Variants in UBE2D2 observed in about 807,000 individuals in gnomAD.
UBE2D2 encodes the protein ubiquitin conjugating enzyme E2 D2.
In UBE2D2, 2 loss-of-function variants were observed where a neutral mutation model predicts 24.2. The observed-to-expected ratio is 0.08, with a 90% CI of 0.03 to 0.26. The LOEUF is 0.26. Ranked by LOEUF, UBE2D2 falls within the 10% of genes least tolerant of loss-of-function variation. The probability of loss-of-function intolerance (pLI) is 1.00; values close to 1 mark genes in which losing one functional copy is unlikely to be tolerated. For missense variants in UBE2D2, 44 were observed against 177.6 expected (o/e 0.25, Z 4.28); for synonymous variants, 58 against 56.5 (o/e 1.03, Z -0.12).
chr5:139,605,205 G>C (rs1482841663), intron 2 of UBE2D2, among the ~76,000 whole-genome samples: 1 of 152,106 alleles, frequency 6.6e-6, no homozygotes, highest in East Asian at 1.9e-4. Context: ...AGAGATCTGT[G>C]CTTTATTTTA....
At chr5:139,543,661 T>TA (rs1437256183) in intron 1 of UBE2D2, among the ~76,000 whole-genome samples, 1 of 152,230 alleles carries the variant, frequency 6.6e-6, no homozygotes, top group African/African-American at 2.4e-5. Context: ...CCTTTAGGCA[T>TA]TTAAAAAGTG....
chr5:139,572,565 C>T (rs1753372412), intron 1 of UBE2D2, among the ~76,000 whole-genome samples: 1 of 151,724 alleles, frequency 6.6e-6, no homozygotes, highest in Admixed American at 6.6e-5. Context: ...CAGTGCACTC[C>T]AGCTTGGGCC....
At chr5:139,578,250 CT>C (rs1271570140) in intron 1 of UBE2D2, among the ~76,000 whole-genome samples, 5 of 152,134 alleles carry the variant, frequency 3.3e-5, no homozygotes, top group Non-Finnish European at 7.4e-5. Context: ...CAAGGAACAG[CT>C]GTTTGTCTGA....
chr5:139,562,491 C>A, intron 1 of UBE2D2: 1 of 1,235,386 alleles, frequency 8.1e-7, no homozygotes, highest in Non-Finnish European at 1.0e-6. Flanking sequence ...ACTAACACTT[C>A]CGTTTTGCAG....
intron 1 of UBE2D2, among the ~76,000 whole-genome samples, chr5:139,549,080 C>T (rs1752871668): frequency 6.6e-6 from 1 of 152,128 alleles, no homozygotes; most frequent in African/African-American, 2.4e-5. Flanking sequence ...GAACTCCTGA[C>T]ATCATGATCT....
chr5:139,576,241 C>T (rs1405015107), intron 1 of UBE2D2, among the ~76,000 whole-genome samples: 1 of 152,162 alleles, frequency 6.6e-6, no homozygotes, highest in Non-Finnish European at 1.5e-5. Flanking sequence ...TCTCACAGTT[C>T]TGGAGGCCAG....
At position 139,626,857 on chromosome 5, in the gene UBE2D2, A is replaced by G. The variant is rs763748835; in HGVS notation, c.*56A>G. 13 of 1,508,136 alleles carry G rather than the reference A, an allele frequency of 8.6e-6. No individual in the cohort carries two copies. The highest frequency in any genetic ancestry group is 1.1e-5 in the Non-Finnish European group (12 of 1,091,958). The allele number at this position is 1,508,136 out of a possible 1,614,324, so 93.4% of individuals were successfully genotyped here. ...TAAAGATAGGGGAACTCTGAAAGAG[A>G]AAGTCCTTTTGATTTCCATTTGACT... On this transcript the variant is annotated 3_prime_UTR_variant, in exon 7 of 7. Coordinates refer to ENST00000398733, the MANE Select transcript of UBE2D2 (RefSeq NM_003339.3).
chr5:139,531,667 G>T (rs1339851243), intron 1 of UBE2D2, among the ~76,000 whole-genome samples: 2 of 149,936 alleles, frequency 1.3e-5, no homozygotes, highest in Non-Finnish European at 3.0e-5. Context: ...GAAAAGAAAA[G>T]AAAATAATGC....
chr5:139,591,894 C>A (rs1466532039), intron 1 of UBE2D2, among the ~76,000 whole-genome samples: 2 of 152,086 alleles, frequency 1.3e-5, no homozygotes, highest in African/African-American at 4.8e-5. Flanking sequence ...GACTGCTCCC[C>A]TTCAATCTGT....
intron 1 of UBE2D2, among the ~76,000 whole-genome samples, chr5:139,547,061 C>T (rs1291974349): frequency 4.0e-5 from 6 of 151,580 alleles, no homozygotes; most frequent in African/African-American, 1.5e-4. Context: ...GAGGCTGATA[C>T]GGGCGGATCA....
At chr5:139,527,061 T>TA (rs1007568097) in intron 1 of UBE2D2, among the ~76,000 whole-genome samples, 18 of 151,762 alleles carry the variant, frequency 1.2e-4, no homozygotes, top group East Asian at 1.9e-4. Context: ...GGAACTATGT[T>TA]AAAAAAAAAT....
rs112406759 is a variant in UBE2D2 at position 139,609,277 on chromosome 5, C to T, written c.89-5309C>T. 3.7e-4 allele frequency among the ~76,000 whole-genome samples: 56 copies of T among 151,196 alleles called. 2 individuals carry two copies. The Middle Eastern group carries it at 0.01, about 28-fold the overall frequency. ...TTATATTTTGTCTGGGTGTGGTGAC[C>T]CACACCTATAATCCCAGCACTTTGG... is the stretch of plus-strand genomic sequence containing the variant. On this transcript the variant is annotated intron_variant, in intron 2 of 6. Transcript: ENST00000398733.
upstream of UBE2D2, among the ~76,000 whole-genome samples, chr5:139,560,292 G>A (rs924977258): frequency 1.3e-5 from 2 of 151,622 alleles, no homozygotes; most frequent in South Asian, 2.1e-4. Context: ...CCGCCTCCCG[G>A]ATTCAAGCGA....
At chr5:139,570,704 G>T (rs913687705) in intron 1 of UBE2D2, among the ~76,000 whole-genome samples, 1 of 151,922 alleles carries the variant, frequency 6.6e-6, no homozygotes, top group African/African-American at 2.4e-5. Context: ...GTAGAGATGG[G>T]GTCTCACTAT....
chr5:139,562,815 C>T (rs1421163036), intron 1 of UBE2D2, among the ~76,000 whole-genome samples: 1 of 152,070 alleles, frequency 6.6e-6, no homozygotes, highest in African/African-American at 2.4e-5. Context: ...ATGTTGTAAC[C>T]TCTTAGTGCC....
At chr5:139,554,751 G>A (rs1211414162) in intron 1 of UBE2D2, 1 of 151,126 alleles carries the variant, frequency 6.6e-6, no homozygotes, top group Non-Finnish European at 1.5e-5. Context: ...TCACCAAACA[G>A]TTCTCCTAAC....
chr5:139,550,530 T>C (rs1752897714), intron 1 of UBE2D2, among the ~76,000 whole-genome samples: 2 of 152,146 alleles, frequency 1.3e-5, no homozygotes, highest in Non-Finnish European at 2.9e-5. Context: ...CTGCCTGCGC[T>C]AGTAGTGGCA....
chr5:139,556,722 T>C (rs1207228648), upstream of UBE2D2, among the ~76,000 whole-genome samples: 3 of 152,190 alleles, frequency 2.0e-5, no homozygotes, highest in Middle Eastern at 3.4e-3. Context: ...TAAAAGGATA[T>C]TATGAGTAAC....
At chr5:139,545,266 C>T (rs1358146185) in intron 1 of UBE2D2, among the ~76,000 whole-genome samples, 1 of 151,882 alleles carries the variant, frequency 6.6e-6, no homozygotes, top group Non-Finnish European at 1.5e-5. Flanking sequence ...ATAGGGATCT[C>T]TATGTTGCAC....
Sources: gnomAD v4.1 joint callset for allele counts (sites outside exome capture counted in the v4.1 genomes callset) on GRCh38, gnomAD v4.1.1 for gene constraint, MANE v1.5 for transcripts, NCBI Gene and HGNC (gene_info 2026-07-23, HGNC 2026-07-21) for gene names.